ULK4: variants seen among roughly 807,000 people sequenced by gnomAD.
ULK4 encodes the protein unc-51 like kinase 4, also known as inactive serine/threonine-protein kinase ULK4.
ULK4 carries 133 observed loss-of-function variants against 160.6 expected under a neutral mutation model. That is an observed-to-expected ratio of 0.83 (90% CI 0.72 to 0.96). The LOEUF (loss-of-function observed/expected upper bound fraction) is 0.96. ULK4 is among the 40% of genes least tolerant of loss of function. ULK4 has a pLI of 0.00. For missense variants in ULK4, 1,580 were observed against 1,499.5 expected, an observed-to-expected ratio of 1.05 and a Z score of -0.89; for synonymous variants, 534 against 539.8, an observed-to-expected ratio of 0.99 and a Z score of 0.15.
chr3:41,312,624 A>G (rs531162586), intron 35 of ULK4, among the ~76,000 whole-genome samples: 2 of 151,370 alleles, frequency 1.3e-5, no homozygotes, highest in South Asian at 4.2e-4. Context: ...GGGAGACCTC[A>G]TCTCTACAGA....
intron 35 of ULK4, among the ~76,000 whole-genome samples, chr3:41,287,028 C>A (rs563460080): frequency 6.6e-6 from 1 of 152,288 alleles, no homozygotes; most frequent in South Asian, 2.1e-4. Flanking sequence ...AAACCACCCA[C>A]CGATTTGACA....
At position 41,260,584 on chromosome 3, in the gene ULK4, G is replaced by A. The variant is rs781632814; in HGVS notation, c.3679-11010C>T. On this transcript the variant is annotated intron_variant, in intron 35 of 36. Transcript: ENST00000301831. ...GAGGCCCTGTCCATGATTAGTAAGCGGGGGATCATCTGAAAGAGATCTAGA... is the reference window on the plus strand; with the variant it reads ...GAGGCCCTGTCCATGATTAGTAAGCAGGGGATCATCTGAAAGAGATCTAGA... 1.2e-4 allele frequency among the ~76,000 whole-genome samples: 18 copies of A among 152,180 alleles called. No homozygotes were observed. The East Asian group carries it at 2.5e-3, about 21-fold the overall frequency.
chr3:41,797,036 T>A (rs552960696), intron 20 of ULK4, among the ~76,000 whole-genome samples: 1 of 152,260 alleles, frequency 6.6e-6, no homozygotes, highest in Admixed American at 6.5e-5. Context: ...TAGTATCACA[T>A]TACAACCCAC....
At chr3:41,859,228 C>T (rs549428640) in intron 17 of ULK4, 5 of 536,246 alleles carry the variant, frequency 9.3e-6, no homozygotes, top group South Asian at 7.6e-5. Context: ...ATGTTTAAGG[C>T]AACTAATGAC....
intron 35 of ULK4, among the ~76,000 whole-genome samples, chr3:41,365,786 G>T (rs1352521109): frequency 6.6e-6 from 1 of 151,754 alleles, no homozygotes; most frequent in South Asian, 2.1e-4. Context: ...CACCTTGTAA[G>T]AATTAAATTT....
At chr3:41,311,430 G>T (rs1292336713) in intron 35 of ULK4, among the ~76,000 whole-genome samples, 3 of 152,112 alleles carry the variant, frequency 2.0e-5, no homozygotes, top group African/African-American at 7.2e-5. Flanking sequence ...TTTCTCCCAT[G>T]CTGGATGCTT....
chr3:41,729,458 A>G (rs1465747993), intron 22 of ULK4, among the ~76,000 whole-genome samples: 1 of 152,136 alleles, frequency 6.6e-6, no homozygotes, highest in South Asian at 2.1e-4. Flanking sequence ...CCATCTTGAC[A>G]CTGGAGCCAC....
intron 32 of ULK4, among the ~76,000 whole-genome samples, chr3:41,517,251 C>T (rs1190448275): frequency 6.6e-6 from 1 of 152,108 alleles, no homozygotes; most frequent in Non-Finnish European, 1.5e-5. Context: ...AGCAATGGTG[C>T]TATGATTTGA....
At chr3:41,690,855 T>G (rs1224700426) in intron 27 of ULK4, among the ~76,000 whole-genome samples, 1 of 151,832 alleles carries the variant, frequency 6.6e-6, no homozygotes, top group Non-Finnish European at 1.5e-5. Context: ...GGGGGGTACT[T>G]CCCTCATAAT....
chr3:41,387,764 A>C (rs1435939874), intron 35 of ULK4, among the ~76,000 whole-genome samples: 1 of 152,108 alleles, frequency 6.6e-6, no homozygotes, highest in Non-Finnish European at 1.5e-5. Context: ...TTCTTAATCC[A>C]GTCTATCATT....
intron 34 of ULK4, among the ~76,000 whole-genome samples, chr3:41,430,770 C>T (rs953300384): frequency 6.6e-6 from 1 of 152,208 alleles, no homozygotes; most frequent in Non-Finnish European, 1.5e-5. Context: ...ATTATCAAAA[C>T]TGCCACATTT....
intron 31 of ULK4, among the ~76,000 whole-genome samples, chr3:41,568,261 A>G (rs951722459): frequency 1.3e-5 from 2 of 152,250 alleles, no homozygotes; most frequent in Non-Finnish European, 2.9e-5. Context: ...GAGACAAAAT[A>G]GGGAACAGGA....
intron 21 of ULK4, among the ~76,000 whole-genome samples, chr3:41,762,690 T>A (rs1333146019): frequency 7.8e-6 from 1 of 128,502 alleles, no homozygotes; most frequent in Non-Finnish European, 1.6e-5. Flanking sequence ...TGAGACAGAG[T>A]CTCGCTCTGT....
At chr3:41,916,790 C>T (rs1375633745) in intron 7 of ULK4, among the ~76,000 whole-genome samples, 1 of 151,418 alleles carries the variant, frequency 6.6e-6, no homozygotes, top group Non-Finnish European at 1.5e-5. Context: ...TCACTGCAAC[C>T]TCTGCCTCCC....
intron 19 of ULK4, among the ~76,000 whole-genome samples, chr3:41,811,756 C>A (rs2040825151): frequency 6.6e-6 from 1 of 152,066 alleles, no homozygotes; most frequent in Non-Finnish European, 1.5e-5. Context: ...TTCTAGAGTT[C>A]TAAATTATGA....
intron 30 of ULK4, among the ~76,000 whole-genome samples, chr3:41,634,661 C>A (rs1379438527): frequency 6.6e-6 from 1 of 152,210 alleles, no homozygotes; most frequent in Admixed American, 6.5e-5. Context: ...TCTAGGTTCT[C>A]ATCTCTGACC....
chr3:41,666,313 T>C (rs892116033), intron 29 of ULK4, among the ~76,000 whole-genome samples: 1 of 152,206 alleles, frequency 6.6e-6, no homozygotes, highest in Non-Finnish European at 1.5e-5. Context: ...CAAGGTCTCA[T>C]GTATTCGAAG....
intron 34 of ULK4, among the ~76,000 whole-genome samples, chr3:41,414,535 A>T (rs1166425083): frequency 1.3e-5 from 2 of 152,230 alleles, no homozygotes; most frequent in East Asian, 3.8e-4. Context: ...TTTGTCAAAA[A>T]GTATATGAAA....
intron 32 of ULK4, among the ~76,000 whole-genome samples, chr3:41,527,134 C>T (rs2086146577): frequency 6.6e-6 from 1 of 152,230 alleles, no homozygotes; most frequent in African/African-American, 2.4e-5. Flanking sequence ...AACTTCACAG[C>T]CCTCCTGTAA....
Sources: allele counts gnomAD v4.1 joint callset (sites outside exome capture counted in the v4.1 genomes callset), GRCh38; gene constraint gnomAD v4.1.1; transcripts MANE v1.5; gene names NCBI Gene and HGNC (gene_info 2026-07-23, HGNC 2026-07-21).